Variants in CRIM1 observed in about 807,000 individuals in gnomAD.
CRIM1 encodes cysteine rich transmembrane BMP regulator 1, also known as cysteine-rich motor neuron 1 protein.
A neutral mutation model predicts 116.4 loss-of-function variants in CRIM1; 32 were observed. The observed-to-expected ratio is 0.27, with a 90% CI of 0.21 to 0.37. The LOEUF is 0.37. Ranked by LOEUF, CRIM1 falls within the 10% of genes least tolerant of loss-of-function variation. CRIM1 has a pLI of 1.00. For missense variants in CRIM1, 1,331 were observed against 1,354.8 expected, an observed-to-expected ratio of 0.98 and a Z score of 0.28; for synonymous variants, 590 against 509.2, an observed-to-expected ratio of 1.16 and a Z score of -2.13.
intron 4 of CRIM1, among the ~76,000 whole-genome samples, chr2:36,455,359 C>T (rs549794429): frequency 3.1e-4 from 47 of 152,298 alleles, no homozygotes; most frequent in African/African-American, 1.1e-3. Context: ...ATCCTGGGTG[C>T]TTTTCATCAG....
At chr2:36,506,180 CT>C in intron 8 of CRIM1, among the ~76,000 whole-genome samples, 1 of 84,476 alleles carries the variant, frequency 1.2e-5, no homozygotes, top group Admixed American at 1.1e-4. Flanking sequence ...CTCTCTCTCT[CT>C]CACACACACA....
chr2:36,412,329 G>C (rs948716465), intron 2 of CRIM1, among the ~76,000 whole-genome samples: 1 of 152,070 alleles, frequency 6.6e-6, no homozygotes, highest in Non-Finnish European at 1.5e-5. Flanking sequence ...GGTAAAGATC[G>C]ACATAGAATG....
intron 8 of CRIM1, among the ~76,000 whole-genome samples, chr2:36,502,233 T>A (rs1475542618): frequency 1.3e-5 from 2 of 152,206 alleles, no homozygotes; most frequent in Non-Finnish European, 2.9e-5. Context: ...AGAAGCAGTT[T>A]CCCTCAACTG....
chr2:36,508,216 A>T (rs779450337), intron 8 of CRIM1, among the ~76,000 whole-genome samples: 8 of 152,250 alleles, frequency 5.3e-5, no homozygotes, highest in Non-Finnish European at 8.8e-5. Context: ...GGTTATATTT[A>T]TATGTGTAAT....
At chr2:36,426,474 C>A (rs1156954687) in intron 2 of CRIM1, among the ~76,000 whole-genome samples, 2 of 152,144 alleles carry the variant, frequency 1.3e-5, no homozygotes, top group African/African-American at 4.8e-5. Context: ...TAAAGAATAT[C>A]TGGCTATAGG....
chr2:36,477,351 G>A (rs1679063681), intron 6 of CRIM1, among the ~76,000 whole-genome samples: 1 of 152,126 alleles, frequency 6.6e-6, no homozygotes, highest in African/African-American at 2.4e-5. Context: ...TTCCTCCCCT[G>A]CAGTTCTAGC....
rs934715594 is a variant in CRIM1, at chr2:36,487,695, CAG to C, written c.1372+8003_1372+8004del. ...AAAGCAACTATGAAGAGGTTTCAAA[CAG>C]AATTTTAACATGAACAGCATTTTGG... On this transcript the variant is annotated intron_variant, in intron 7 of 16. Transcript: ENST00000280527. Among the ~76,000 whole-genome samples, 18 of 151,992 alleles carry C rather than the reference CAG, an allele frequency of 1.2e-4. 1 individual carries two copies. The highest frequency in any genetic ancestry group is 4.2e-4 in the South Asian group (2 of 4,812).
chr2:36,520,285 C>A (rs749727809), intron 12 of CRIM1, among the ~76,000 whole-genome samples: 7 of 152,328 alleles, frequency 4.6e-5, no homozygotes, highest in Non-Finnish European at 1.0e-4. Flanking sequence ...GCTGTCCCTT[C>A]TTCTTCTTTT....
At chr2:36,358,018 A>G (rs1198601980) in intron 1 of CRIM1, among the ~76,000 whole-genome samples, 2 of 152,138 alleles carry the variant, frequency 1.3e-5, no homozygotes, top group Non-Finnish European at 2.9e-5. Context: ...ACAGTTCAGG[A>G]AAATAGGGGA....
At position 36,356,254 on chromosome 2, in the gene CRIM1, G is replaced by A; in HGVS notation, c.-39G>A. 3.2e-6 allele frequency: 4 copies of A among 1,256,566 alleles called. No individual in the cohort carries two copies. Among genetic ancestry groups the A allele is most frequent in the Non-Finnish European group, 3.1e-6 (3 of 958,252 alleles). The allele number at this position is 1,256,566 out of a possible 1,614,324, so 77.8% of individuals were successfully genotyped here. ...AGGGGAGGGCGCCCGCCCCGCTCCCGGCCCGGCTGCGAGGAGGAGGCGGCG... is the reference window on the plus strand; with the variant it reads ...AGGGGAGGGCGCCCGCCCCGCTCCCAGCCCGGCTGCGAGGAGGAGGCGGCG... On this transcript the variant is annotated 5_prime_UTR_variant, in exon 1 of 17. Coordinates refer to ENST00000280527, the MANE Select transcript of CRIM1 (RefSeq NM_016441.3). The surrounding 1 kb of genome is among the most constrained non-coding windows in gnomAD (Gnocchi z 4.3).
intron 1 of CRIM1, among the ~76,000 whole-genome samples, chr2:36,382,468 C>A (rs1668085794): frequency 7.0e-6 from 1 of 143,450 alleles, no homozygotes; most frequent in South Asian, 2.5e-4. Context: ...GGCCATGCCA[C>A]ACATCCTGTC....
At chr2:36,471,243 A>T (rs971945653) in intron 5 of CRIM1, among the ~76,000 whole-genome samples, 3 of 152,198 alleles carry the variant, frequency 2.0e-5, no homozygotes, top group African/African-American at 7.2e-5. Context: ...CTATTACATA[A>T]ATTTAGTTGA....
chr2:36,435,958 T>C (rs1008007472), intron 2 of CRIM1, among the ~76,000 whole-genome samples: 5 of 151,500 alleles, frequency 3.3e-5, no homozygotes, highest in African/African-American at 1.2e-4. Context: ...TGCACTGTTA[T>C]CAGTGTAATC....
At chr2:36,358,068 A>G (rs1395799439) in intron 1 of CRIM1, among the ~76,000 whole-genome samples, 1 of 152,116 alleles carries the variant, frequency 6.6e-6, no homozygotes, top group Non-Finnish European at 1.5e-5. Context: ...GTGATGAGTG[A>G]AGGGAACTCT....
chr2:36,383,844 G>A (rs909473902), intron 1 of CRIM1, among the ~76,000 whole-genome samples: 1 of 152,138 alleles, frequency 6.6e-6, no homozygotes, highest in African/African-American at 2.4e-5. Context: ...ATCCGTAAAG[G>A]CCCATTGGAG....
intron 4 of CRIM1, 23 bp downstream of exon 4, chr2:36,442,758 A>G: frequency 1.2e-6 from 2 of 1,613,906 alleles, no homozygotes; most frequent in Non-Finnish European, 1.7e-6. Flanking sequence ...TTAGTTTGTC[A>G]AGTTTTCTCC....
chr2:36,423,301 A>T (rs192289686), intron 2 of CRIM1, among the ~76,000 whole-genome samples: 17 of 152,232 alleles, frequency 1.1e-4, no homozygotes, highest in African/African-American at 4.1e-4. Context: ...AGGGTTTCCT[A>T]TAGAGCACGT....
rs187399221 is a variant in CRIM1 at position 36,432,955 on chromosome 2, A to G, written c.506-8303A>G. On this transcript the variant is annotated intron_variant, in intron 2 of 16. Coordinates refer to ENST00000280527, the MANE Select transcript of CRIM1 (RefSeq NM_016441.3). ...TATTCTGGCACTAAATTTTCAAACT[A>G]TAGTATGCATGAGAATCACCTCTAG... Among the ~76,000 whole-genome samples, 322 of 152,184 alleles carry G rather than the reference A, an allele frequency of 2.1e-3. 1 individual carries two copies. The highest frequency in any genetic ancestry group is 3.3e-3 in the Non-Finnish European group (223 of 68,002).
chr2:36,451,445 A>G (rs1258613426), intron 4 of CRIM1, among the ~76,000 whole-genome samples: 2 of 152,214 alleles, frequency 1.3e-5, no homozygotes, highest in African/African-American at 2.4e-5. Context: ...GACCTCAAAA[A>G]GCACATATAC....
Sources: gnomAD v4.1 joint callset for allele counts (sites outside exome capture counted in the v4.1 genomes callset) on GRCh38, gnomAD v4.1.1 for gene constraint, Gnocchi (gnomAD v3.1) non-coding constraint, MANE v1.5 for transcripts, NCBI Gene and HGNC (gene_info 2026-07-23, HGNC 2026-07-21) for gene names.